The following PXT1 variants were observed in gnomAD, a reference collection of about 807,000 sequenced individuals.
PXT1 encodes peroxisomal testis enriched protein 1, also known as peroxisomal testis-specific protein 1.
In PXT1, 11 loss-of-function variants were observed where a neutral mutation model predicts 11.0. The ratio of observed to expected loss-of-function variants is 1.00; its 90% CI spans 0.63 to 1.66. The LOEUF (loss-of-function observed/expected upper bound fraction) is 1.66. PXT1 is among the 40% of genes most tolerant of loss of function. PXT1 has a pLI of 0.00. For synonymous variants in PXT1, 43 were observed against 51.4 expected (o/e 0.84, Z 0.70); for missense variants, 141 against 155.5 (o/e 0.91, Z 0.49).
chr6:36,431,473 C>T (rs1774691759), intron 2 of PXT1, among the ~76,000 whole-genome samples: 3 of 152,092 alleles, frequency 2.0e-5, no homozygotes, highest in Admixed American at 6.6e-5. Flanking sequence ...TTGGGCGTTA[C>T]AAGAGTACAT....
At chr6:36,436,694 T>A (rs987335960) in intron 2 of PXT1, among the ~76,000 whole-genome samples, 2 of 152,204 alleles carry the variant, frequency 1.3e-5, no homozygotes, top group African/African-American at 4.8e-5. Context: ...TTTGCCAATA[T>A]GAATTTGGAG....
chr6:36,430,134 G>A (rs1453101966), intron 2 of PXT1, among the ~76,000 whole-genome samples: 1 of 151,916 alleles, frequency 6.6e-6, no homozygotes, highest in Non-Finnish European at 1.5e-5. Context: ...CTGAACCCGG[G>A]AAGCAGAGGT....
intron 3 of PXT1, among the ~76,000 whole-genome samples, chr6:36,409,688 G>A (rs1460670603): frequency 6.6e-6 from 1 of 151,546 alleles, no homozygotes; most frequent in Non-Finnish European, 1.5e-5. Flanking sequence ...TTAGCCAGGT[G>A]TGGTGGTGTG....
At chr6:36,438,139 A>T (rs1412083249) in intron 2 of PXT1, among the ~76,000 whole-genome samples, 1 of 151,962 alleles carries the variant, frequency 6.6e-6, no homozygotes, top group African/African-American at 2.4e-5. Flanking sequence ...TTTCTTATAA[A>T]TGAGGCACAT....
chr6:36,412,236 C>T (rs887615749), intron 3 of PXT1, among the ~76,000 whole-genome samples: 15 of 151,804 alleles, frequency 9.9e-5, no homozygotes, highest in African/African-American at 3.6e-4. Flanking sequence ...CCTGTAATCC[C>T]AGCTACTCGG....
intron 3 of PXT1, among the ~76,000 whole-genome samples, chr6:36,423,455 G>T (rs1751775143): frequency 6.6e-6 from 1 of 152,262 alleles, no homozygotes; most frequent in African/African-American, 2.4e-5. Context: ...ACGTGGGCCA[G>T]CTGTGGCCAA....
chr6:36,425,604 G>A (rs1774590285), intron 3 of PXT1, among the ~76,000 whole-genome samples: 1 of 151,890 alleles, frequency 6.6e-6, no homozygotes, highest in South Asian at 2.1e-4. Context: ...GGCCAACATG[G>A]TGAAACCCCC....
At chr6:36,432,715 G>T (rs546341834) in intron 2 of PXT1, among the ~76,000 whole-genome samples, 118 of 152,292 alleles carry the variant, frequency 7.7e-4, no homozygotes, top group Middle Eastern at 6.8e-3. Context: ...GTCTCCCAGA[G>T]CCCCACCCTA....
intron 3 of PXT1, among the ~76,000 whole-genome samples, chr6:36,424,820 C>A (rs1372689169): frequency 6.6e-6 from 1 of 151,896 alleles, no homozygotes; most frequent in Non-Finnish European, 1.5e-5. Context: ...CACGGTGAAA[C>A]CCCCGGCTCT....
At chr6:36,402,361 A>G (rs982768712) in intron 3 of PXT1, among the ~76,000 whole-genome samples, 1 of 152,240 alleles carries the variant, frequency 6.6e-6, no homozygotes, top group South Asian at 2.1e-4. Flanking sequence ...TAACATAGAC[A>G]TAAGTATGGC....
chr6:36,417,659 T>C (rs1309463602), intron 3 of PXT1, among the ~76,000 whole-genome samples: 5 of 149,370 alleles, frequency 3.3e-5, no homozygotes, highest in Non-Finnish European at 7.4e-5. Flanking sequence ...TCCTAGCTAC[T>C]TGGGAGGCTG....
intron 2 of PXT1, among the ~76,000 whole-genome samples, chr6:36,429,575 G>C (rs180701705): frequency 7.5e-6 from 1 of 133,134 alleles, no homozygotes; most frequent in African/African-American, 2.9e-5. Flanking sequence ...GTGCAATCTC[G>C]GTTCACTGCA....
At position 36,438,448 on chromosome 6, in the gene PXT1, G is replaced by C. The variant is rs567552084; in HGVS notation, c.-10+319C>G. On this transcript the variant is annotated intron_variant, in intron 2 of 4. Coordinates refer to ENST00000454782, the MANE Select transcript of PXT1 (RefSeq NM_152990.4). Reference sequence around the variant, plus strand: ...TGTTTGTTTTTTGTTTTTTGAGACTGAGTCTCGCTCTGTCGCCCAGGCTGG... The same window carrying C: ...TGTTTGTTTTTTGTTTTTTGAGACTCAGTCTCGCTCTGTCGCCCAGGCTGG... Among the ~76,000 whole-genome samples, 6 of 152,258 alleles carry C rather than the reference G, an allele frequency of 3.9e-5. No individual in the cohort carries two copies. The South Asian group carries it at 1.2e-3, about 32-fold the overall frequency.
At chr6:36,436,111 GCCA>G (rs1774758995) in intron 2 of PXT1, among the ~76,000 whole-genome samples, 1 of 27,908 alleles carries the variant, frequency 3.6e-5, no homozygotes. Flanking sequence ...AAAAAAGTAA[GCCA>G]AAAAAAAAAA....
rs1774811951 is a variant in PXT1 at position 36,438,831 on chromosome 6, A to G, written c.-74T>C. ...TCATGCTTGAGTTAATAAATTGCAA[A>G]GTTTCCCTCTTTTGTTTGCTTTGTT... On this transcript the variant is annotated 5_prime_UTR_variant, in exon 2 of 5. Coordinates refer to ENST00000454782, the MANE Select transcript of PXT1 (RefSeq NM_152990.4). 6.6e-6 allele frequency: 1 copy of G among 152,076 alleles called. No homozygotes were observed. The highest frequency in any genetic ancestry group is 1.5e-5 in the Non-Finnish European group (1 of 67,994). 9.4% of individuals were successfully genotyped at this position (152,076 alleles called of 1,614,324 possible). A position where few individuals can be genotyped will look rare whatever the true frequency, so the allele number is the denominator to read the frequency against.
intron 3 of PXT1, among the ~76,000 whole-genome samples, chr6:36,418,984 AC>A (rs1456525899): frequency 6.6e-6 from 1 of 152,248 alleles, no homozygotes; most frequent in Non-Finnish European, 1.5e-5. Context: ...TCGGTGGCTT[AC>A]GGCCTTCTGA....
At chr6:36,405,715 G>T (rs985011006) in intron 3 of PXT1, among the ~76,000 whole-genome samples, 3 of 152,142 alleles carry the variant, frequency 2.0e-5, no homozygotes, top group Non-Finnish European at 4.4e-5. Flanking sequence ...TCAGTGACTT[G>T]CCCAGAGCAA....
intron 3 of PXT1, among the ~76,000 whole-genome samples, chr6:36,420,266 A>C (rs552051440): frequency 1.3e-5 from 2 of 152,344 alleles, no homozygotes; most frequent in East Asian, 3.9e-4. Context: ...AAGTAATTGG[A>C]AACAGCCCAA....
chr6:36,425,442 C>T (rs892706360), intron 3 of PXT1, among the ~76,000 whole-genome samples: 1 of 151,980 alleles, frequency 6.6e-6, no homozygotes, highest in Non-Finnish European at 1.5e-5. Flanking sequence ...ATTTTTGCCA[C>T]CTAAGAACTG....
Sources: gnomAD v4.1 joint callset for allele counts (sites outside exome capture counted in the v4.1 genomes callset) on GRCh38, gnomAD v4.1.1 for gene constraint, MANE v1.5 for transcripts, NCBI Gene and HGNC (gene_info 2026-07-23, HGNC 2026-07-21) for gene names.